Variants in ZSWIM2 observed in about 807,000 individuals in gnomAD.
ZSWIM2 encodes E3 ubiquitin-protein ligase ZSWIM2.
A neutral mutation model predicts 48.4 loss-of-function variants in ZSWIM2; 38 were observed. The observed-to-expected ratio is 0.79, with a 90% CI of 0.61 to 1.03. The LOEUF (loss-of-function observed/expected upper bound fraction) is 1.03, where lower values mean the gene tolerates loss of function less well. Ranked by LOEUF, ZSWIM2 falls within the 50% of genes least tolerant of loss-of-function variation. The pLI is 0.00. For missense variants in ZSWIM2, 776 were observed against 730.2 expected, an observed-to-expected ratio of 1.06 and a Z score of -0.72; for synonymous variants, 240 against 251.3, an observed-to-expected ratio of 0.96 and a Z score of 0.42.
chr2:186,837,226 C>A (rs574758771), intron 5 of ZSWIM2, 80 bp downstream of exon 5: 1 of 1,477,082 alleles, frequency 6.8e-7, no homozygotes, highest in East Asian at 2.3e-5. Context: ...GGCTACAGAA[C>A]GGGTACTCTA....
In ZSWIM2 at chr2:186,843,604, T is replaced by A. The variant is rs577245289; in HGVS notation, c.283+1113A>T. Among the ~76,000 whole-genome samples, 29 of 151,636 alleles carry A rather than the reference T, an allele frequency of 1.9e-4. No homozygotes were observed. The South Asian group carries it at 6.0e-3, about 31-fold the overall frequency. On this transcript the variant is annotated intron_variant, in intron 3 of 8. Coordinates refer to ENST00000295131, the MANE Select transcript of ZSWIM2 (RefSeq NM_182521.3). ...AAAAAAATCAGAGAGAATATCAAGG[T>A]TTACAGCTTTGAAGAGAAAATAAAA...
At chr2:186,844,038 T>C (rs1034646093) in intron 3 of ZSWIM2, among the ~76,000 whole-genome samples, 1 of 151,670 alleles carries the variant, frequency 6.6e-6, no homozygotes, top group Non-Finnish European at 1.5e-5. Flanking sequence ...CATTTATTAA[T>C]ACTTTTAAAA....
chr2:186,837,647 A>C (rs188215005), intron 4 of ZSWIM2, 93 bp from the exon 5 acceptor site: 222 of 442,194 alleles, frequency 5.0e-4, no homozygotes, highest in Non-Finnish European at 6.3e-4. Context: ...ATATTTATAT[A>C]AATAAAATTT....
Position 186,829,876 on chromosome 2 carries a change from C to A in ZSWIM2, c.946G>T (p.Val316Phe). 6.2e-7 allele frequency: 1 copy of A among 1,613,358 alleles called. No homozygotes were observed. Among genetic ancestry groups the A allele is most frequent in the Non-Finnish European group, 8.5e-7 (1 of 1,179,648 alleles). The change falls in exon 8 of 9, where the codon GTT becomes TTT. Residue 316 changes from valine (V) to phenylalanine (F), a missense_variant. Transcript: ENST00000295131. ...CTTACAATGTGTTTTGGTGTGTAAACTTGGCTGAATGAGAATAAGCAGAGA... is the reference window on the plus strand; with the variant it reads ...CTTACAATGTGTTTTGGTGTGTAAAATTGGCTGAATGAGAATAAGCAGAGA... ...MSHFQEKQGQ[V>F]YTPKHIVRSL...
At chr2:186,836,304 C>T (rs1691792672) in intron 5 of ZSWIM2, among the ~76,000 whole-genome samples, 2 of 152,064 alleles carry the variant, frequency 1.3e-5, no homozygotes, top group Admixed American at 1.3e-4. Flanking sequence ...ACCAACATTC[C>T]TGAACCTAGC....
At chr2:186,843,883 T>A (rs1251708841) in intron 3 of ZSWIM2, among the ~76,000 whole-genome samples, 2 of 151,712 alleles carry the variant, frequency 1.3e-5, no homozygotes, top group Admixed American at 1.3e-4. Context: ...ATTAATTATC[T>A]GGTATAATTT....
At chr2:186,833,648 G>A (rs1449722665) in intron 6 of ZSWIM2, among the ~76,000 whole-genome samples, 1 of 152,100 alleles carries the variant, frequency 6.6e-6, no homozygotes, top group East Asian at 1.9e-4. Context: ...GTAATGTTGA[G>A]AGCTTTTTAA....
intron 2 of ZSWIM2, among the ~76,000 whole-genome samples, chr2:186,845,788 G>A (rs1457584210): frequency 6.6e-6 from 1 of 151,398 alleles, no homozygotes. Flanking sequence ...TCTCACACTA[G>A]AGGAAAAATT....
intron 7 of ZSWIM2, among the ~76,000 whole-genome samples, chr2:186,831,864 G>A (rs1574137295): frequency 6.6e-6 from 1 of 151,826 alleles, no homozygotes; most frequent in Non-Finnish European, 1.5e-5. Flanking sequence ...ATCACACACC[G>A]AGGACTGTTG....
intron 2 of ZSWIM2, among the ~76,000 whole-genome samples, chr2:186,846,894 G>A (rs1226446972): frequency 6.6e-6 from 1 of 151,428 alleles, no homozygotes; most frequent in Non-Finnish European, 1.5e-5. Flanking sequence ...GATGGAACTG[G>A]AGGCCAATAT....
At chr2:186,833,724 T>G (rs1275967418) in intron 6 of ZSWIM2, among the ~76,000 whole-genome samples, 3 of 152,316 alleles carry the variant, frequency 2.0e-5, no homozygotes, top group Non-Finnish European at 4.4e-5. Context: ...TGTCATCAGA[T>G]GTTTCTTATA....
At position 186,847,799 on chromosome 2, in the gene ZSWIM2, TA is replaced by T; in HGVS notation, c.166-5del. On this transcript the variant is annotated splice_polypyrimidine_tract_variant and splice_region_variant and intron_variant, in intron 1 of 8. Coordinates refer to ENST00000295131, the MANE Select transcript of ZSWIM2 (RefSeq NM_182521.3). Reference sequence around the variant, plus strand: ...CGTGAGGATTTCCTAGAAAAACCTTTAAAGGAAAAATGCATACTTAAAAAGA... The same window carrying T: ...CGTGAGGATTTCCTAGAAAAACCTTTAAGGAAAAATGCATACTTAAAAAGA... The T allele has an allele frequency of 1.9e-6, 3 of 1,602,140 alleles. No individual in the cohort carries two copies. The highest frequency in any genetic ancestry group is 2.6e-6 in the Non-Finnish European group (3 of 1,174,126).
Position 186,828,438 on chromosome 2 carries a change from A to C in ZSWIM2, c.1448T>G (p.Leu483Ter). 2 of 1,613,166 alleles carry C rather than the reference A, an allele frequency of 1.2e-6. No individual in the cohort carries two copies. The highest frequency in any genetic ancestry group is 1.7e-6 in the Non-Finnish European group (2 of 1,179,542). ...TTGGCTAATTTTATAATCATAGGTT[A>C]ATTTTTTTGAATTTGAATTATCTAA... ...IKLDNSNSKK[L>*]TYDYKISQHF... Residue 483 changes from leucine (L) to a stop codon, truncating the protein, a stop_gained, in exon 9 of 9, where the codon TTA (leucine) becomes TGA (stop). Coordinates refer to ENST00000295131, the MANE Select transcript of ZSWIM2 (RefSeq NM_182521.3). LOFTEE classifies it low-confidence loss of function (END_TRUNC).
chr2:186,836,724 G>A (rs886666789), intron 5 of ZSWIM2, among the ~76,000 whole-genome samples: 2 of 152,024 alleles, frequency 1.3e-5, no homozygotes, highest in Non-Finnish European at 2.9e-5. Flanking sequence ...ATGTTTTATC[G>A]TGAGAATTGT....
chr2:186,844,903 CT>C, intron 2 of ZSWIM2, 146 bp from the exon 3 acceptor site: 2 of 686,582 alleles, frequency 2.9e-6, no homozygotes, highest in Non-Finnish European at 4.5e-6. Context: ...CATCAATTTT[CT>C]GTTATAATAG....
intron 7 of ZSWIM2, among the ~76,000 whole-genome samples, chr2:186,830,133 C>T (rs892399980): frequency 2.6e-5 from 4 of 152,156 alleles, no homozygotes; most frequent in African/African-American, 9.7e-5. Flanking sequence ...AATCCCAGCA[C>T]TTCTGGGAGA....
intron 5 of ZSWIM2, among the ~76,000 whole-genome samples, chr2:186,836,013 T>A (rs1241583971): frequency 6.6e-6 from 1 of 152,132 alleles, no homozygotes; most frequent in African/African-American, 2.4e-5. Flanking sequence ...CAGAAAGCTC[T>A]GAGTGACAGG....
chr2:186,840,320 A>G (rs1691881674), intron 3 of ZSWIM2, among the ~76,000 whole-genome samples: 1 of 151,716 alleles, frequency 6.6e-6, no homozygotes. Context: ...ATTTCATAAA[A>G]GAAGCTGGCC....
chr2:186,845,556 A>G (rs1691982486), intron 2 of ZSWIM2, among the ~76,000 whole-genome samples: 1 of 151,508 alleles, frequency 6.6e-6, no homozygotes. Flanking sequence ...AGAAATAATT[A>G]TATAACTTTT....
Sources: allele counts gnomAD v4.1 joint callset (sites outside exome capture counted in the v4.1 genomes callset), GRCh38; gene constraint gnomAD v4.1.1; transcripts MANE v1.5; gene names NCBI Gene and HGNC (gene_info 2026-07-23, HGNC 2026-07-21).